Variants in UBE3C observed in about 807,000 individuals in gnomAD.
UBE3C encodes ubiquitin protein ligase E3C.
In UBE3C, 42 loss-of-function variants were observed where a neutral mutation model predicts 129.4. The observed-to-expected ratio is 0.32, with a 90% CI of 0.25 to 0.42. The LOEUF (loss-of-function observed/expected upper bound fraction) is 0.42, where lower values mean the gene tolerates loss of function less well. Ranked by LOEUF, UBE3C falls within the 10% of genes least tolerant of loss-of-function variation. UBE3C has a pLI of 1.00. For missense variants in UBE3C, 1,049 were observed against 1,319.1 expected (o/e 0.80, Z 3.17); for synonymous variants, 510 against 492.4 (o/e 1.04, Z -0.47).
chr7:157,263,707 T>TTG (rs1284822734), intron 22 of UBE3C, among the ~76,000 whole-genome samples: 1 of 150,764 alleles, frequency 6.6e-6, no homozygotes, highest in African/African-American at 2.4e-5. Flanking sequence ...AACATTCACT[T>TTG]TGTGGGAGCG....
intron 4 of UBE3C, among the ~76,000 whole-genome samples, chr7:157,172,344 T>C (rs1479641807): frequency 1.3e-5 from 2 of 152,166 alleles, no homozygotes; most frequent in African/African-American, 4.8e-5. Flanking sequence ...AGGTTAAATA[T>C]ATAATTTATT....
chr7:157,183,947 T>A lies in UBE3C; in HGVS notation c.1061T>A (p.Val354Asp), dbSNP rs1399419250. Residue 354 changes from valine to aspartate, a missense_variant, in exon 9 of 23, where the codon GTC (valine) becomes GAC (aspartate). Around this residue, in one of 4 missense-constraint regions of UBE3C, gnomAD observed 489 missense variants for 513.8 expected, o/e 0.95. Coordinates refer to ENST00000348165, the MANE Select transcript of UBE3C (RefSeq NM_014671.3). ...VLQTFLSQLP[V>D]SPASASCHDS... ...CAGACCTTCCTCTCTCAGTTACCAG[T>A]CTCTCCTGCCAGCGCGAGCTGTCAC... 6.2e-7 allele frequency: 1 copy of A among 1,613,998 alleles called. No individual in the cohort carries two copies. Among genetic ancestry groups the A allele is most frequent in the Non-Finnish European group, 8.5e-7 (1 of 1,180,024 alleles).
chr7:157,156,720 A>C (rs1169984586), intron 1 of UBE3C, among the ~76,000 whole-genome samples: 1 of 151,930 alleles, frequency 6.6e-6, no homozygotes, highest in Admixed American at 6.6e-5. Flanking sequence ...TTTTAAAAAA[A>C]AAAAAAAAAA....
chr7:157,160,232 G>A (rs1808032641), intron 1 of UBE3C, among the ~76,000 whole-genome samples: 1 of 151,918 alleles, frequency 6.6e-6, no homozygotes, highest in South Asian at 2.1e-4. Flanking sequence ...GCGCCACCAC[G>A]CCCAGCTGAT....
At chr7:157,265,232 A>C (rs1317528375) in intron 22 of UBE3C, among the ~76,000 whole-genome samples, 1 of 152,204 alleles carries the variant, frequency 6.6e-6, no homozygotes, top group Non-Finnish European at 1.5e-5. Flanking sequence ...TGACCTAGCT[A>C]GGTCTCTGAA....
chr7:157,254,346 GTTGCAGGTGGTCATA>G, intron 21 of UBE3C, 36 bp downstream of exon 21: 1 of 1,264,820 alleles, frequency 7.9e-7, no homozygotes, highest in Non-Finnish European at 1.0e-6. Context: ...TTCTGAAAAT[GTTGCAGGTGGTCATA>G]TTTCCAAAGT....
chr7:157,177,289 G>C (rs566332351), intron 5 of UBE3C, among the ~76,000 whole-genome samples: 35 of 152,166 alleles, frequency 2.3e-4, no homozygotes, highest in Admixed American at 6.5e-5. Context: ...TGGTCACTCA[G>C]ATGGCTCTTT....
At position 157,207,482 on chromosome 7, in the gene UBE3C, T is replaced by C. The variant is rs2301914; in HGVS notation, c.1503T>C (p.Tyr501=). The change falls in exon 12 of 23, where the codon TAT becomes TAC. Residue 501 remains tyrosine (Y), a synonymous_variant. Transcript: ENST00000348165. ...CTAGTCGAATCATCCCACTCTTTTA[T>C]CTTTTTAGCTCCTTGTTTAGTCATT... is the stretch of plus-strand genomic sequence containing the variant. The part of the protein sequence containing the change: ...EDSSRIIPLF[Y]LFSSLFSHSL... 0.38 allele frequency: 609,465 copies of C among 1,613,324 alleles called. 122,826 individuals carry two copies. The highest frequency in any genetic ancestry group is 0.77 in the African/African-American group (57,949 of 74,912).
At chr7:157,154,981 G>C (rs1807861885) in intron 1 of UBE3C, among the ~76,000 whole-genome samples, 1 of 152,130 alleles carries the variant, frequency 6.6e-6, no homozygotes, top group Non-Finnish European at 1.5e-5. Flanking sequence ...TCTTTGTGAT[G>C]GTAAATGGTC....
At chr7:157,264,760 G>A (rs1290469430) in intron 22 of UBE3C, among the ~76,000 whole-genome samples, 1 of 152,108 alleles carries the variant, frequency 6.6e-6, no homozygotes, top group African/African-American at 2.4e-5. Flanking sequence ...TAGTAGAGAT[G>A]GGGTTTCGCC....
chr7:157,241,022 G>A (rs984598419), intron 18 of UBE3C, among the ~76,000 whole-genome samples: 1 of 152,210 alleles, frequency 6.6e-6, no homozygotes, highest in Admixed American at 6.5e-5. Flanking sequence ...GCATGAGATT[G>A]AAAGCCAGGG....
chr7:157,216,208 T>A (rs755229206), intron 13 of UBE3C, among the ~76,000 whole-genome samples: 2 of 152,318 alleles, frequency 1.3e-5, no homozygotes, highest in South Asian at 4.1e-4. Context: ...TCTGGGGTGC[T>A]GCTTTTTTCC....
chr7:157,225,678 G>A (rs1385546088), intron 17 of UBE3C, 139 bp downstream of exon 17: 15 of 997,848 alleles, frequency 1.5e-5, no homozygotes, highest in Non-Finnish European at 2.1e-5. Flanking sequence ...GCTGGGCATG[G>A]CAGCTCACAC....
chr7:157,229,854 C>T (rs1795975285), intron 17 of UBE3C, among the ~76,000 whole-genome samples: 1 of 152,076 alleles, frequency 6.6e-6, no homozygotes, highest in African/African-American at 2.4e-5. Context: ...CTCAGGCAGT[C>T]CTTCTGCCTT....
chr7:157,143,385 C>T (rs961573195), intron 1 of UBE3C, among the ~76,000 whole-genome samples: 6 of 152,116 alleles, frequency 3.9e-5, no homozygotes, highest in African/African-American at 4.8e-5. Flanking sequence ...AAAGGATAGG[C>T]GTGTCTGACA....
chr7:157,178,784 T>G lies in UBE3C; in HGVS notation c.553T>G (p.Leu185Val). 6.2e-7 allele frequency: 1 copy of G among 1,614,214 alleles called. No homozygotes were observed. Among genetic ancestry groups the G allele is most frequent in the Non-Finnish European group, 8.5e-7 (1 of 1,180,030 alleles). The change falls in exon 6 of 23, where the codon TTA becomes GTA. Residue 185 changes from leucine (L) to valine (V), a missense_variant. Leu to Val is a conservative substitution (Grantham distance 32). Around this residue, in one of 4 missense-constraint regions of UBE3C, gnomAD observed 489 missense variants for 513.8 expected, o/e 0.95. Transcript: ENST00000348165. Reference sequence around the variant, plus strand: ...GTCTGAGAATACTTACTTGCCTGTTTTACAAGATGCTAGCTATGTGGTGTC... The same window carrying G: ...GTCTGAGAATACTTACTTGCCTGTTGTACAAGATGCTAGCTATGTGGTGTC... Reference protein sequence around the residue: ...FSSENTYLPVLQDASYVVSVI... With the variant: ...FSSENTYLPVVQDASYVVSVI...
chr7:157,170,868 G>A (rs953509876), intron 4 of UBE3C, among the ~76,000 whole-genome samples: 38 of 152,112 alleles, frequency 2.5e-4, no homozygotes, highest in African/African-American at 9.2e-4. Flanking sequence ...TTATATTAGA[G>A]ATGGGGTCTT....
At chr7:157,231,785 G>T in intron 18 of UBE3C, 1 of 159,910 alleles carries the variant, frequency 6.3e-6, no homozygotes, top group Non-Finnish European at 1.4e-5. Context: ...TATAAGAAAT[G>T]GATTTCAGTT....
At chr7:157,223,231 T>C (rs766051266) in intron 15 of UBE3C, 23 bp from the exon 16 acceptor site, 1 of 1,611,866 alleles carries the variant, frequency 6.2e-7, no homozygotes, top group Non-Finnish European at 8.5e-7. Flanking sequence ...GTGAACTAAT[T>C]AAGGTTTTAA....
Sources: allele counts gnomAD v4.1 joint callset (sites outside exome capture counted in the v4.1 genomes callset), GRCh38; gene constraint gnomAD v4.1.1; regional missense constraint gnomAD v4.1.1; transcripts MANE v1.5; gene names NCBI Gene and HGNC (gene_info 2026-07-23, HGNC 2026-07-21).